DNAI3: variants seen among roughly 807,000 people sequenced by gnomAD.
DNAI3 encodes the protein WD repeat domain 63.
Under a neutral mutation model 115.5 loss-of-function variants are expected in DNAI3, and 83 were observed. That is an observed-to-expected ratio of 0.72 (90% CI 0.60 to 0.86). The LOEUF (loss-of-function observed/expected upper bound fraction) is 0.86. DNAI3 is among the 40% of genes least tolerant of loss of function. DNAI3 has a pLI of 0.00. For missense variants in DNAI3, 1,004 were observed against 1,075.8 expected, an observed-to-expected ratio of 0.93 and a Z score of 0.93; for synonymous variants, 320 against 347.0, an observed-to-expected ratio of 0.92 and a Z score of 0.86.
At chr1:85,084,436 G>T in intron 5 of DNAI3, 110 bp from the exon 6 acceptor site, 1 of 801,584 alleles carries the variant, frequency 1.2e-6, no homozygotes, top group Non-Finnish European at 1.7e-6. Context: ...GTAAAAAGGT[G>T]CTTAATGAAT....
chr1:85,090,217 A>T lies in DNAI3; in HGVS notation c.842A>T (p.Asn281Ile). Residue 281 changes from asparagine to isoleucine, a missense_variant, in exon 8 of 23, where the codon AAC becomes ATC. Asn to Ile is a moderately radical substitution (Grantham distance 149). Around this residue, in one of 3 missense-constraint regions of DNAI3, gnomAD observed 550 missense variants for 568.1 expected, o/e 0.97. Coordinates refer to ENST00000294664, the MANE Select transcript of DNAI3 (RefSeq NM_145172.5). ...TCAAAGCCTTTGGTTGATTTTCTTA[A>T]CAATGCATCCATAAGGTAAAAAATT... ...KQSKPLVDFLNNASISVEIAL... is the reference protein window; with the variant it reads ...KQSKPLVDFLINASISVEIAL... The T allele has an allele frequency of 1.3e-6, 2 of 1,564,712 alleles. No homozygotes were observed. The highest frequency in any genetic ancestry group is 1.7e-6 in the Non-Finnish European group (2 of 1,157,406).
At chr1:85,119,915 G>A (rs1178576964) in intron 17 of DNAI3, among the ~76,000 whole-genome samples, 5 of 152,126 alleles carry the variant, frequency 3.3e-5, no homozygotes, top group Admixed American at 1.3e-4. Context: ...AGCCAGGCTG[G>A]TCTTGAACTC....
intron 14 of DNAI3, among the ~76,000 whole-genome samples, 193 bp downstream of exon 14, chr1:85,104,790 G>T (rs1315368262): frequency 6.6e-6 from 1 of 152,146 alleles, no homozygotes; most frequent in Admixed American, 6.5e-5. Context: ...ATGTAAAGAA[G>T]AATTAACTAA....
intron 3 of DNAI3, among the ~76,000 whole-genome samples, chr1:85,077,202 G>C (rs1654483118): frequency 6.6e-6 from 1 of 152,192 alleles, no homozygotes; most frequent in Non-Finnish European, 1.5e-5. Context: ...AGATAATTCA[G>C]TGGAGAAGGG....
chr1:85,125,846 A>T (rs1656119914), intron 19 of DNAI3, among the ~76,000 whole-genome samples: 1 of 152,234 alleles, frequency 6.6e-6, no homozygotes, highest in Non-Finnish European at 1.5e-5. Context: ...ATGAAGCCTG[A>T]AGTGGGTAGA....
Position 85,132,849 on chromosome 1 carries a change from C to T in DNAI3, c.2533-6C>T, listed in dbSNP as rs772213861. ...TAGGGATGTCTTGTTTTTCTTCCCC[C>T]CCCAGAAAACATATCAGAAGTCAAA... On this transcript the variant is annotated splice_polypyrimidine_tract_variant and splice_region_variant and intron_variant, in intron 22 of 22. Coordinates refer to ENST00000294664, the MANE Select transcript of DNAI3 (RefSeq NM_145172.5). 12 of 1,611,348 alleles carry T rather than the reference C, an allele frequency of 7.4e-6. No individual in the cohort carries two copies. In the African/African-American group the frequency reaches 1.6e-4, roughly 22 times the overall value.
chr1:85,091,299 C>T (rs1037878738), intron 8 of DNAI3, among the ~76,000 whole-genome samples: 2 of 152,086 alleles, frequency 1.3e-5, no homozygotes, highest in Admixed American at 1.3e-4. Flanking sequence ...AAAAAATGTT[C>T]AAAATAAATC....
At chr1:85,126,825 C>G in intron 20 of DNAI3, 110 bp downstream of exon 20, 1 of 1,084,564 alleles carries the variant, frequency 9.2e-7, no homozygotes, top group Non-Finnish European at 1.3e-6. Context: ...TGTTTTTCTT[C>G]CTGCTCATCC....
intron 3 of DNAI3, among the ~76,000 whole-genome samples, chr1:85,080,492 G>A (rs1007455412): frequency 1.3e-4 from 20 of 152,304 alleles, no homozygotes; most frequent in African/African-American, 4.8e-4. Context: ...GAAAGGTGGT[G>A]CCCATTTTGA....
At chr1:85,128,408 CAG>C (rs753938449) in intron 20 of DNAI3, among the ~76,000 whole-genome samples, 2 of 152,192 alleles carry the variant, frequency 1.3e-5, no homozygotes, top group Non-Finnish European at 2.9e-5. Flanking sequence ...GGCCCAGCCA[CAG>C]AGAGAGTCAA....
rs561397719 is a variant in DNAI3, at chr1:85,094,377, A to G, written c.1049-54A>G. The G allele has an allele frequency of 1.4e-5, 23 of 1,604,978 alleles. No individual in the cohort carries two copies. In the East Asian group the frequency reaches 4.3e-4, roughly 30 times the overall value. On this transcript the variant is annotated intron_variant, in intron 9 of 22. Transcript: ENST00000294664. ...GTGTAGAAAAGCAAAAGCTAGAGAC[A>G]TCTCTCCATGTATAGTTGCTGCCAA... is the stretch of plus-strand genomic sequence containing the variant.
rs1465097448 is a variant in DNAI3, at chr1:85,110,136, G to C, written c.1786+1G>C. 6.2e-7 allele frequency: 1 copy of C among 1,605,696 alleles called. No individual in the cohort carries two copies. The highest frequency in any genetic ancestry group is 8.5e-7 in the Non-Finnish European group (1 of 1,175,334). On this transcript the variant is annotated splice_donor_variant, in intron 16 of 22. Coordinates refer to ENST00000294664, the MANE Select transcript of DNAI3 (RefSeq NM_145172.5). LOFTEE classifies it high-confidence loss of function. ...GACCATCTTCTTTGCAAAACACAAG[G>C]TAACTGCCTTTGCTTATTTAAAAAA... is the stretch of plus-strand genomic sequence containing the variant.
At chr1:85,128,667 G>A (rs1656220753) in intron 20 of DNAI3, 41 bp from the exon 21 acceptor site, 1 of 1,537,260 alleles carries the variant, frequency 6.5e-7, no homozygotes. Flanking sequence ...ATGGTTTTCT[G>A]TTTGCTGATT....
At chr1:85,073,222 C>A (rs1654341258) in intron 3 of DNAI3, 130 bp downstream of exon 3, 1 of 572,774 alleles carries the variant, frequency 1.7e-6, no homozygotes, top group Non-Finnish European at 2.8e-6. Context: ...TATACCATTC[C>A]ATTTAGAATA....
In DNAI3 at chr1:85,093,241, T is replaced by A. The variant is rs114004307; in HGVS notation, c.858-217T>A. 3.9e-3 allele frequency among the ~76,000 whole-genome samples: 590 copies of A among 152,320 alleles called. 2 individuals are homozygous for A. Among genetic ancestry groups the A allele is most frequent in the African/African-American group, 0.013 (548 of 41,566 alleles). On this transcript the variant is annotated intron_variant, in intron 8 of 22. Transcript: ENST00000294664. ...GCCTTGGCTTGGAAACTGAGGCAGA[T>A]CATGAAGTTGCTCGAGGTTCTGAGT...
chr1:85,122,562 A>G (rs1656022827), intron 18 of DNAI3, among the ~76,000 whole-genome samples: 1 of 152,244 alleles, frequency 6.6e-6, no homozygotes, highest in African/African-American at 2.4e-5. Flanking sequence ...TGGGATAACC[A>G]TAAGCAAACG....
chr1:85,125,937 A>G (rs1656121520), intron 19 of DNAI3, among the ~76,000 whole-genome samples: 1 of 152,226 alleles, frequency 6.6e-6, no homozygotes, highest in African/African-American at 2.4e-5. Flanking sequence ...AGATGATTGC[A>G]TGATGCTTTG....
intron 1 of DNAI3, among the ~76,000 whole-genome samples, chr1:85,071,162 G>A (rs988984653): frequency 6.6e-6 from 1 of 152,190 alleles, no homozygotes; most frequent in African/African-American, 2.4e-5. Flanking sequence ...TGAATAAACT[G>A]AGACTTAGAG....
At chr1:85,117,602 T>C (rs1655870035) in intron 16 of DNAI3, 127 bp from the exon 17 acceptor site, 2 of 1,286,462 alleles carry the variant, frequency 1.6e-6, no homozygotes, top group Middle Eastern at 2.1e-4. Context: ...CTTGGACTTA[T>C]GCTCACTACA....
Sources: gnomAD v4.1 joint callset for allele counts (sites outside exome capture counted in the v4.1 genomes callset) on GRCh38, gnomAD v4.1.1 for gene constraint, gnomAD v4.1.1 regional missense constraint, MANE v1.5 for transcripts, NCBI Gene and HGNC (gene_info 2026-07-23, HGNC 2026-07-21) for gene names.